AHSA1: variants seen among roughly 807,000 people sequenced by gnomAD.
AHSA1 encodes the protein activator of HSP90 ATPase activity 1.
A neutral mutation model predicts 46.1 loss-of-function variants in AHSA1; 14 were observed. The observed-to-expected ratio is 0.30, with a 90% CI of 0.20 to 0.47. The LOEUF (loss-of-function observed/expected upper bound fraction) is 0.47, where lower values mean the gene tolerates loss of function less well. AHSA1 is among the 20% of genes least tolerant of loss of function. The probability of loss-of-function intolerance (pLI) is 0.99; values close to 1 mark genes in which losing one functional copy is unlikely to be tolerated. For synonymous variants in AHSA1, 147 were observed against 145.8 expected (o/e 1.01, Z -0.06); for missense variants, 333 against 415.9 (o/e 0.80, Z 1.73).
intron 1 of AHSA1, 108 bp downstream of exon 1, chr14:77,458,377 C>A: frequency 8.5e-7 from 1 of 1,172,568 alleles, no homozygotes; most frequent in South Asian, 1.5e-5. Flanking sequence ...GTAGCCCTGT[C>A]CGGAGATGGG....
upstream of AHSA1, chr14:77,457,867 G>A: frequency 2.1e-6 from 1 of 485,266 alleles, no homozygotes; most frequent in South Asian, 3.7e-5. Context: ...GCAATGAGAC[G>A]TGTTCTTTGT....
chr14:77,462,674 C>T lies in AHSA1; in HGVS notation c.387C>T (p.Asp129=), dbSNP rs755253474. The T allele has an allele frequency of 1.2e-6, 2 of 1,614,150 alleles. No individual in the cohort carries two copies. Among genetic ancestry groups the T allele is most frequent in the Non-Finnish European group, 1.7e-6 (2 of 1,180,022 alleles). Residue 129 remains aspartate (D), a synonymous_variant, in exon 4 of 9, where the codon GAC becomes GAT. Transcript: ENST00000216479. ...TGAGCCTTGCCAAAGATGAGCCTGA[C>T]ACAAATCTCGTGGCCTTAATGAAGG... ...ISVSLAKDEP[D]TNLVALMKEE...
In AHSA1 at chr14:77,458,311, C is replaced by T. The variant is rs530797874; in HGVS notation, c.80+42C>T. 5.2e-4 allele frequency: 803 copies of T among 1,534,590 alleles called. 1 individual carries two copies. Among genetic ancestry groups the T allele is most frequent in the Non-Finnish European group, 6.9e-4 (786 of 1,139,070 alleles). On this transcript the variant is annotated intron_variant, in intron 1 of 8. Transcript: ENST00000216479. ...CAGGCCGGCCTTGGGAGACCTGCGG[C>T]CGGGCCAGGGTTTCAGGGTTCCTAG... is the stretch of plus-strand genomic sequence containing the variant.
Position 77,462,862 on chromosome 14 carries a change from T to G in AHSA1, c.472+103T>G, listed in dbSNP as rs926224383. On this transcript the variant is annotated intron_variant, in intron 4 of 8. Coordinates refer to ENST00000216479, the MANE Select transcript of AHSA1 (RefSeq NM_012111.3). ...CTTTCTTTGGCAAATGGGTAAAGAT[T>G]TGGGGGGAGGGGGCTTATTTCATCT... 3.1e-6 allele frequency: 3 copies of G among 960,730 alleles called. No individual in the cohort carries two copies. In the Admixed American group the frequency reaches 5.6e-5, roughly 18 times the overall value. 59.5% of individuals were successfully genotyped at this position (960,730 alleles called of 1,614,324 possible). A position where few individuals can be genotyped will look rare whatever the true frequency, so the allele number is the denominator to read the frequency against.
chr14:77,468,587 C>CA (rs2079058619), intron 8 of AHSA1, 79 bp downstream of exon 8: 3 of 1,098,804 alleles, frequency 2.7e-6, no homozygotes, highest in Non-Finnish European at 3.9e-6. Context: ...TTTTTGGAAA[C>CA]AGGGTCTCAC....
chr14:77,459,903 G>T, intron 2 of AHSA1, 97 bp downstream of exon 2: 1 of 1,377,050 alleles, frequency 7.3e-7, no homozygotes, highest in Admixed American at 1.7e-5. Context: ...AGACCTTGAA[G>T]GGAGAAGGCA....
At chr14:77,467,817 T>C (rs2079054138) in intron 6 of AHSA1, among the ~76,000 whole-genome samples, 1 of 152,266 alleles carries the variant, frequency 6.6e-6, no homozygotes, top group Non-Finnish European at 1.5e-5. Flanking sequence ...CTCATTCTTA[T>C]ATCTTTCTGA....
intron 1 of AHSA1, 60 bp downstream of exon 1, chr14:77,458,329 G>A (rs940888783): frequency 1.9e-5 from 29 of 1,518,342 alleles, no homozygotes; most frequent in South Asian, 3.6e-5. Context: ...GGGTTTCAGG[G>A]TTCCTAGAAC....
chr14:77,459,117 C>G (rs141876203), intron 1 of AHSA1, among the ~76,000 whole-genome samples: 19 of 152,216 alleles, frequency 1.2e-4, no homozygotes, highest in African/African-American at 4.3e-4. Flanking sequence ...CTGGACTTAA[C>G]GTTTTTGTGG....
At chr14:77,460,000 G>A (rs2079014721) in intron 2 of AHSA1, 194 bp downstream of exon 2, 2 of 636,970 alleles carry the variant, frequency 3.1e-6, no homozygotes, top group Non-Finnish European at 5.4e-6. Flanking sequence ...GATTTCCTGT[G>A]TCTGGGTCTC....
intron 6 of AHSA1, 122 bp downstream of exon 6, chr14:77,465,789 G>A: frequency 9.9e-7 from 1 of 1,005,032 alleles, no homozygotes; most frequent in Admixed American, 3.2e-5. Flanking sequence ...GGAGCCATGA[G>A]GCCTTCATCA....
At position 77,468,166 on chromosome 14, in the gene AHSA1, T is replaced by C; in HGVS notation, c.774T>C (p.Ser258=). 1 of 1,559,206 alleles carries C rather than the reference T, an allele frequency of 6.4e-7. No individual in the cohort carries two copies. The highest frequency in any genetic ancestry group is 8.7e-7 in the Non-Finnish European group (1 of 1,150,230). The part of the protein sequence containing the change: ...GKFHMVDGNV[S]GEFTDLVPEK... ...TCCACATGGTAGATGGCAACGTCTC[T>C]GGGGAATTTACTGATCTGGTGAGTA... The change falls in exon 7 of 9, where the codon TCT becomes TCC. Residue 258 remains serine (S), a synonymous_variant. Coordinates refer to ENST00000216479, the MANE Select transcript of AHSA1 (RefSeq NM_012111.3).
Position 77,463,250 on chromosome 14 carries a change from C to T in AHSA1, c.472+491C>T, listed in dbSNP as rs183052037. The T allele has an allele frequency of 1.8e-3, 318 of 174,054 alleles. 2 individuals carry two copies. The highest frequency in any genetic ancestry group is 8.6e-3 in the Middle Eastern group (3 of 350). The allele number at this position is 174,054 out of a possible 1,614,324, so 10.8% of individuals were successfully genotyped here. On this transcript the variant is annotated intron_variant, in intron 4 of 8. Transcript: ENST00000216479. ...TGAGCTGAGATCATGCCACTGCACT[C>T]CAGCCTGGATGACCAAAAAACACAA...
intron 6 of AHSA1, among the ~76,000 whole-genome samples, chr14:77,467,273 C>T (rs1410088005): frequency 3.3e-5 from 5 of 152,072 alleles, no homozygotes; most frequent in Non-Finnish European, 7.3e-5. Flanking sequence ...GTGGTATGCG[C>T]CTGTAGTCCC....
At chr14:77,463,990 A>G (rs905059993) in intron 4 of AHSA1, among the ~76,000 whole-genome samples, 6 of 152,274 alleles carry the variant, frequency 3.9e-5, no homozygotes, top group Admixed American at 2.0e-4. Context: ...GAAGTCATCA[A>G]AGTGCCACGG....
intron 2 of AHSA1, among the ~76,000 whole-genome samples, chr14:77,460,952 GATCA>G (rs1453643083): frequency 6.6e-6 from 1 of 150,656 alleles, no homozygotes; most frequent in Non-Finnish European, 1.5e-5. Context: ...GAGGTCAGGA[GATCA>G]AGACCATCCT....
chr14:77,464,595 C>T lies in AHSA1; in HGVS notation c.473-3C>T. The T allele has an allele frequency of 6.2e-7, 1 of 1,611,062 alleles. No individual in the cohort carries two copies. Among genetic ancestry groups the T allele is most frequent in the Non-Finnish European group, 8.5e-7 (1 of 1,178,980 alleles). ...TCCATGAGCTGGAATTTTATCTTTT[C>T]AGAGTTCACCCAGGGCATGATCTTA... On this transcript the variant is annotated splice_region_variant and splice_polypyrimidine_tract_variant and intron_variant, in intron 4 of 8. Transcript: ENST00000216479.
chr14:77,468,051 C>G, intron 6 of AHSA1, 32 bp from the exon 7 acceptor site: 3 of 683,210 alleles, frequency 4.4e-6, no homozygotes, highest in Non-Finnish European at 6.4e-6. Flanking sequence ...TCTTCTGCCT[C>G]TTTTTTTTTT....
intron 8 of AHSA1, chr14:77,468,732 T>TG (rs1367276417): frequency 2.0e-6 from 1 of 496,476 alleles, no homozygotes; most frequent in African/African-American, 2.1e-5. Flanking sequence ...TTTTTTTTTT[T>TG]TTTTTTTTTT....
Sources: gnomAD v4.1 joint callset for allele counts (sites outside exome capture counted in the v4.1 genomes callset) on GRCh38, gnomAD v4.1.1 for gene constraint, MANE v1.5 for transcripts, NCBI Gene and HGNC (gene_info 2026-07-23, HGNC 2026-07-21) for gene names.